PI4K2B: variants seen among roughly 807,000 people sequenced by gnomAD.
PI4K2B encodes the protein phosphatidylinositol 4-kinase type 2 beta, also known as phosphatidylinositol 4-kinase type 2-beta.
Under a neutral mutation model 56.6 loss-of-function variants are expected in PI4K2B, and 46 were observed. The ratio of observed to expected loss-of-function variants is 0.81; its 90% CI spans 0.64 to 1.04. PI4K2B has a LOEUF of 1.04. Ranked by LOEUF, PI4K2B falls within the 50% of genes least tolerant of loss-of-function variation. The pLI is 0.00. For missense variants in PI4K2B, 556 were observed against 607.7 expected (o/e 0.91, Z 0.89); for synonymous variants, 211 against 223.8 (o/e 0.94, Z 0.51).
intron 1 of PI4K2B, among the ~76,000 whole-genome samples, chr4:25,238,860 G>A (rs949639913): frequency 6.6e-6 from 1 of 152,108 alleles, no homozygotes; most frequent in Non-Finnish European, 1.5e-5. Flanking sequence ...CTGCTGGTTC[G>A]GGCAGCCTGC....
chr4:25,245,758 C>T (rs2109089246), intron 1 of PI4K2B, among the ~76,000 whole-genome samples: 1 of 152,274 alleles, frequency 6.6e-6, no homozygotes, highest in East Asian at 1.9e-4. Flanking sequence ...GTGACAGTCT[C>T]ACTGCTCAGC....
chr4:25,256,396 C>T (rs1478843675), intron 3 of PI4K2B, 147 bp from the exon 4 acceptor site: 1 of 743,440 alleles, frequency 1.3e-6, no homozygotes, highest in Non-Finnish European at 2.1e-6. Flanking sequence ...GCAAAATTCC[C>T]TGGCTTTTCT....
chr4:25,240,846 ACT>A (rs771252171), intron 1 of PI4K2B, among the ~76,000 whole-genome samples: 5 of 143,948 alleles, frequency 3.5e-5, no homozygotes, highest in Non-Finnish European at 6.1e-5. Flanking sequence ...TTTCTCTTTG[ACT>A]CTCTGTTTCT....
intron 1 of PI4K2B, among the ~76,000 whole-genome samples, chr4:25,239,105 T>C (rs1306688442): frequency 6.7e-6 from 1 of 150,080 alleles, no homozygotes; most frequent in Non-Finnish European, 1.5e-5. Flanking sequence ...TGCTGATTGG[T>C]GTATTTACAA....
chr4:25,256,708 A>G, intron 4 of PI4K2B, 34 bp downstream of exon 4: 3 of 1,595,620 alleles, frequency 1.9e-6, no homozygotes, highest in Non-Finnish European at 2.6e-6. Flanking sequence ...TTTAGAGGGC[A>G]TTTGGGCACA....
At chr4:25,234,512 G>T in intron 1 of PI4K2B, 81 bp downstream of exon 1, 1 of 1,044,946 alleles carries the variant, frequency 9.6e-7, no homozygotes, top group African/African-American at 1.6e-5. Flanking sequence ...TCTCCCGCGC[G>T]CGCTGGCCGA....
intron 3 of PI4K2B, among the ~76,000 whole-genome samples, chr4:25,255,595 C>G (rs1231742322): frequency 6.6e-6 from 1 of 152,202 alleles, no homozygotes; most frequent in East Asian, 1.9e-4. Context: ...TTGTATTGTC[C>G]TTTCAGCCTT....
At chr4:25,236,487 A>C (rs1577672538) in intron 1 of PI4K2B, among the ~76,000 whole-genome samples, 1 of 150,918 alleles carries the variant, frequency 6.6e-6, no homozygotes, top group East Asian at 2.0e-4. Context: ...CGAGAGGTGT[A>C]GGTTGCAGTG....
intron 4 of PI4K2B, among the ~76,000 whole-genome samples, chr4:25,257,032 C>T (rs767774676): frequency 4.0e-5 from 6 of 148,990 alleles, no homozygotes; most frequent in East Asian, 4.1e-4. Context: ...CCAGAACTTA[C>T]CTCGGGTAAG....
chr4:25,234,513 C>A, intron 1 of PI4K2B, 82 bp downstream of exon 1: 3 of 1,040,980 alleles, frequency 2.9e-6, no homozygotes, highest in Non-Finnish European at 2.5e-6. Context: ...CTCCCGCGCG[C>A]GCTGGCCGAG....
intron 7 of PI4K2B, among the ~76,000 whole-genome samples, chr4:25,267,185 G>C (rs1037900448): frequency 1.2e-4 from 18 of 152,314 alleles, no homozygotes; most frequent in African/African-American, 4.3e-4. Flanking sequence ...GGTGACTGGT[G>C]GCCTTAGGAG....
At chr4:25,267,765 G>C (rs1186711403) in intron 7 of PI4K2B, 13 of 981,090 alleles carry the variant, frequency 1.3e-5, no homozygotes, top group Non-Finnish European at 1.6e-5. Flanking sequence ...CTTCTTGAGG[G>C]AGAATTAGAG....
At chr4:25,273,711 C>G (rs1560381627) in intron 9 of PI4K2B, among the ~76,000 whole-genome samples, 2 of 152,360 alleles carry the variant, frequency 1.3e-5, no homozygotes, top group South Asian at 4.1e-4. Context: ...CTTCCCTCTT[C>G]TCCCATTCCT....
At chr4:25,264,337 T>C (rs1716587386) in intron 7 of PI4K2B, among the ~76,000 whole-genome samples, 1 of 152,164 alleles carries the variant, frequency 6.6e-6, no homozygotes, top group Admixed American at 6.5e-5. Flanking sequence ...TTTTCCATGA[T>C]TTCTTGAGTT....
chr4:25,241,754 A>T (rs1015587592), intron 1 of PI4K2B, among the ~76,000 whole-genome samples: 3 of 152,220 alleles, frequency 2.0e-5, no homozygotes, highest in Non-Finnish European at 4.4e-5. Flanking sequence ...TTACTTAGGT[A>T]TGCCACTGGT....
chr4:25,249,215 T>C (rs1020900955), intron 1 of PI4K2B, among the ~76,000 whole-genome samples: 3 of 152,244 alleles, frequency 2.0e-5, no homozygotes, highest in African/African-American at 7.2e-5. Context: ...TACTTCTTTC[T>C]ACACAGACAC....
chr4:25,275,303 G>A (rs1717054399), intron 9 of PI4K2B, among the ~76,000 whole-genome samples: 2 of 152,196 alleles, frequency 1.3e-5, no homozygotes, highest in South Asian at 4.1e-4. Context: ...TAGGAACAAT[G>A]CTTATAATAA....
chr4:25,244,574 A>C (rs1715679513), intron 1 of PI4K2B, among the ~76,000 whole-genome samples: 1 of 152,206 alleles, frequency 6.6e-6, no homozygotes, highest in African/African-American at 2.4e-5. Context: ...GCAGAAAAAA[A>C]TGAGCCGCCT....
chr4:25,268,646 C>T (rs908649731), intron 8 of PI4K2B, 70 bp downstream of exon 8: 2 of 1,073,920 alleles, frequency 1.9e-6, no homozygotes, highest in Non-Finnish European at 2.6e-6. Context: ...CTTAATAGAG[C>T]TGATTTGCAA....
Sources: allele counts gnomAD v4.1 joint callset (sites outside exome capture counted in the v4.1 genomes callset), GRCh38; gene constraint gnomAD v4.1.1; transcripts MANE v1.5; gene names NCBI Gene and HGNC (gene_info 2026-07-23, HGNC 2026-07-21).